Variants in RIMKLA observed in about 807,000 individuals in gnomAD.
RIMKLA encodes N-acetylaspartylglutamate synthase A.
A neutral mutation model predicts 32.7 loss-of-function variants in RIMKLA; 14 were observed. The observed-to-expected ratio is 0.43, with a 90% CI of 0.28 to 0.67. The LOEUF is 0.67. RIMKLA is among the 30% of genes least tolerant of loss of function. The pLI is 0.18. For synonymous variants in RIMKLA, 176 were observed against 204.1 expected (o/e 0.86, Z 1.18); for missense variants, 410 against 519.0 (o/e 0.79, Z 2.04).
chr1:42,394,644 T>C (rs1643027177), intron 1 of RIMKLA, among the ~76,000 whole-genome samples: 1 of 152,236 alleles, frequency 6.6e-6, no homozygotes, highest in Non-Finnish European at 1.5e-5. Context: ...GAACTCTGCT[T>C]TCCAATAAAG....
intron 3 of RIMKLA, among the ~76,000 whole-genome samples, chr1:42,407,088 T>G (rs1285853888): frequency 6.6e-6 from 1 of 152,092 alleles, no homozygotes; most frequent in Non-Finnish European, 1.5e-5. Flanking sequence ...GCATTTTTTA[T>G]AGAGATGAGA....
At chr1:42,409,912 A>G in intron 3 of RIMKLA, 72 bp from the exon 4 acceptor site, 2 of 1,171,504 alleles carry the variant, frequency 1.7e-6, no homozygotes, top group Non-Finnish European at 1.3e-6. Context: ...TTTATGGACA[A>G]GGAGGCCAGA....
At chr1:42,385,746 TCTTTCTTTCTTTCTTTC>T (rs1463179028) in intron 1 of RIMKLA, among the ~76,000 whole-genome samples, 1 of 131,742 alleles carries the variant, frequency 7.6e-6, no homozygotes, top group Non-Finnish European at 1.6e-5. Flanking sequence ...TTTCTTTCTT[TCTTTCTTTCTTTCTTTC>T]TTTCTTTGTT....
In RIMKLA at chr1:42,423,803, A is replaced by G. The variant is rs577778202; in HGVS notation, c.*8829A>G. ...TGCTTTTCCTGCAGCTGCTGCTTTC[A>G]CTAATGGCACTTCTTAAATCTGGTG... On this transcript the variant is annotated 3_prime_UTR_variant, in exon 5 of 5. Coordinates refer to ENST00000431473, the MANE Select transcript of RIMKLA (RefSeq NM_173642.4). Among the ~76,000 whole-genome samples, 1 of 152,148 alleles carries G rather than the reference A, an allele frequency of 6.6e-6. No individual in the cohort carries two copies. The highest frequency in any genetic ancestry group is 2.4e-5 in the African/African-American group (1 of 41,430).
At chr1:42,396,236 CAAAAAAAAA>C (rs11363612) in intron 1 of RIMKLA, among the ~76,000 whole-genome samples, 1 of 60,902 alleles carries the variant, frequency 1.6e-5, no homozygotes, top group East Asian at 6.0e-4. Context: ...AACTCCATCT[CAAAAAAAAA>C]AAAAAAAAAA....
In RIMKLA at chr1:42,399,554, T is replaced by C; in HGVS notation, c.314T>C (p.Ile105Thr). Reference protein sequence around the residue: ...GCRLVNRPQSILNCINKFWTF... With the variant: ...GCRLVNRPQSTLNCINKFWTF... ...CGGTTGGTCAATCGCCCACAGAGCA[T>C]CTTAAATTGCATCAACAAATTCTGG... The change falls in exon 2 of 5, where the codon ATC becomes ACC. Residue 105 changes from isoleucine (I) to threonine (T), a missense_variant. Physicochemically the swap from Ile to Thr is moderately conservative, Grantham distance 89. Coordinates refer to ENST00000431473, the MANE Select transcript of RIMKLA (RefSeq NM_173642.4). 6.2e-7 allele frequency: 1 copy of C among 1,613,562 alleles called. No homozygotes were observed. The highest frequency in any genetic ancestry group is 1.6e-4 in the Middle Eastern group (1 of 6,062).
chr1:42,398,620 A>G (rs1046398609), intron 1 of RIMKLA, among the ~76,000 whole-genome samples: 6 of 152,184 alleles, frequency 3.9e-5, no homozygotes, highest in African/African-American at 1.4e-4. Context: ...ATAATTTTAT[A>G]TCCTGTTTTT....
chr1:42,401,417 C>G (rs968045490), intron 2 of RIMKLA, among the ~76,000 whole-genome samples: 1 of 149,572 alleles, frequency 6.7e-6, no homozygotes, highest in African/African-American at 2.5e-5. Flanking sequence ...CATGCCATTG[C>G]CAGCCCGGAT....
chr1:42,397,932 C>CA (rs1257488761), intron 1 of RIMKLA, among the ~76,000 whole-genome samples: 3 of 152,060 alleles, frequency 2.0e-5, no homozygotes, highest in African/African-American at 7.2e-5. Flanking sequence ...CATAGGATGT[C>CA]AGGACTGGGA....
intron 3 of RIMKLA, among the ~76,000 whole-genome samples, chr1:42,409,559 A>G (rs544119823): frequency 2.0e-5 from 3 of 152,236 alleles, no homozygotes; most frequent in Non-Finnish European, 4.4e-5. Flanking sequence ...ATTAATTGGC[A>G]TCTGCCCTGT....
Position 42,415,356 on chromosome 1 carries a change from C to T in RIMKLA, c.*382C>T, listed in dbSNP as rs770146334. 3.0e-5 allele frequency: 6 copies of T among 203,050 alleles called. No homozygotes were observed. The highest frequency in any genetic ancestry group is 6.0e-5 in the Non-Finnish European group (6 of 99,752). The allele number at this position is 203,050 out of a possible 1,614,324, so 12.6% of individuals were successfully genotyped here. ...ACCACGGGATGGAAGCATGTGCAGA[C>T]GAGGTGGAATGTGACTGCAGTAATA... On this transcript the variant is annotated 3_prime_UTR_variant, in exon 5 of 5. Coordinates refer to ENST00000431473, the MANE Select transcript of RIMKLA (RefSeq NM_173642.4).
intron 1 of RIMKLA, among the ~76,000 whole-genome samples, chr1:42,384,433 G>A (rs1642916509): frequency 6.6e-6 from 1 of 151,262 alleles, no homozygotes; most frequent in Non-Finnish European, 1.5e-5. Context: ...AGTGATGAAT[G>A]TGACACCAGA....
chr1:42,414,293 A>G (rs1025263278), intron 4 of RIMKLA, among the ~76,000 whole-genome samples, 191 bp from the exon 5 acceptor site: 1 of 152,108 alleles, frequency 6.6e-6, no homozygotes, highest in Non-Finnish European at 1.5e-5. Context: ...GTCAGAGGAA[A>G]TCAGCATTTT....
rs1643307333 is a variant in RIMKLA, at chr1:42,423,027, C to A, written c.*8053C>A. On this transcript the variant is annotated 3_prime_UTR_variant, in exon 5 of 5. Coordinates refer to ENST00000431473, the MANE Select transcript of RIMKLA (RefSeq NM_173642.4). The stretch of plus-strand genomic sequence containing the variant: ...AGAACTCTGACAGGTCAGGCAGGGC[C>A]CTCAGGACTTGTGTTTGCCTGACAT... Among the ~76,000 whole-genome samples, 1 of 152,132 alleles carries A rather than the reference C, an allele frequency of 6.6e-6. No homozygotes were observed. Among genetic ancestry groups the A allele is most frequent in the African/African-American group, 2.4e-5 (1 of 41,426 alleles).
chr1:42,396,004 G>C (rs1369832046), intron 1 of RIMKLA, among the ~76,000 whole-genome samples: 1 of 152,128 alleles, frequency 6.6e-6, no homozygotes, highest in African/African-American at 2.4e-5. Flanking sequence ...ACTTTGGGAG[G>C]CTGAGGCGGG....
At chr1:42,393,527 G>A (rs1394889936) in intron 1 of RIMKLA, among the ~76,000 whole-genome samples, 1 of 152,198 alleles carries the variant, frequency 6.6e-6, no homozygotes, top group Non-Finnish European at 1.5e-5. Flanking sequence ...CCACATAAAT[G>A]TCTGTGGGTT....
chr1:42,385,844 C>CTCTCTCTCTCTCTCTCTCTCTT lies in RIMKLA; in HGVS notation c.163+4750_163+4751insCTCTCTCTCTCTCTCTCTTTCT, dbSNP rs1184237388. Among the ~76,000 whole-genome samples, 102 of 57,078 alleles carry CTCTCTCTCTCTCTCTCTCTCTT rather than the reference C, an allele frequency of 1.8e-3. 12 individuals are homozygous for CTCTCTCTCTCTCTCTCTCTCTT. Among genetic ancestry groups the CTCTCTCTCTCTCTCTCTCTCTT allele is most frequent in the African/African-American group, 6.4e-3 (97 of 15,140 alleles). The allele number at this position is 57,078 out of a possible 152,430, so 37.4% of individuals were successfully genotyped here. ...CCTTCCTTCCTTTCTTTCTTTCTTT[C>CTCTCTCTCTCTCTCTCTCTCTT]TCTTTCTTTCTTTCTTTCTTTCTTT... On this transcript the variant is annotated intron_variant, in intron 1 of 4. Coordinates refer to ENST00000431473, the MANE Select transcript of RIMKLA (RefSeq NM_173642.4).
rs16829473 is a variant in RIMKLA at position 42,419,852 on chromosome 1, C to T, written c.*4878C>T. ...AAGCCCATGCCAAGCTAACTGAAAG[C>T]TTATTTGGCTCCAATTCGGCTGATG... On this transcript the variant is annotated 3_prime_UTR_variant, in exon 5 of 5. Coordinates refer to ENST00000431473, the MANE Select transcript of RIMKLA (RefSeq NM_173642.4). 17,654 of 152,270 alleles carry T rather than the reference C, an allele frequency of 0.12. 1,242 individuals are homozygous for T. Among genetic ancestry groups the T allele is most frequent in the East Asian group, 0.22 (1,147 of 5,176 alleles). 9.4% of individuals were successfully genotyped at this position (152,270 alleles called of 1,614,324 possible). A position where few individuals can be genotyped will look rare whatever the true frequency, so the allele number is the denominator to read the frequency against.
chr1:42,390,503 T>A (rs531878161), intron 1 of RIMKLA, among the ~76,000 whole-genome samples: 1 of 151,998 alleles, frequency 6.6e-6, no homozygotes, highest in African/African-American at 2.4e-5. Flanking sequence ...TTTGGAGGGG[T>A]TGGTCTAAGC....
Sources: gnomAD v4.1 joint callset for allele counts (sites outside exome capture counted in the v4.1 genomes callset) on GRCh38, gnomAD v4.1.1 for gene constraint, MANE v1.5 for transcripts, NCBI Gene and HGNC (gene_info 2026-07-23, HGNC 2026-07-21) for gene names.